Variants in SYNPO2 observed in about 807,000 individuals in gnomAD.
The protein encoded by SYNPO2 is synaptopodin 2.
SYNPO2 carries 56 observed loss-of-function variants against 85.0 expected under a neutral mutation model. The ratio of observed to expected loss-of-function variants is 0.66; its 90% CI spans 0.53 to 0.82. The LOEUF (loss-of-function observed/expected upper bound fraction) is 0.82, where lower values mean the gene tolerates loss of function less well. Ranked by LOEUF, SYNPO2 falls within the 40% of genes least tolerant of loss-of-function variation. The pLI is 0.00. For synonymous variants in SYNPO2, 602 were observed against 591.1 expected (o/e 1.02, Z -0.27); for missense variants, 1,575 against 1,534.2 (o/e 1.03, Z -0.44).
In SYNPO2 at chr4:118,994,971, T is replaced by C. The variant is rs117075747; in HGVS notation, c.106-28459T>C. ...AGATCCTTGTCTAATGAATATTTTT[T>C]ATTTACTATTTTTCAAATCACAAAC... On this transcript the variant is annotated intron_variant, in intron 1 of 4. Transcript: ENST00000307142. Among the ~76,000 whole-genome samples, 39 of 152,348 alleles carry C rather than the reference T, an allele frequency of 2.6e-4. No individual in the cohort carries two copies. In the East Asian group the frequency reaches 6.9e-3, roughly 27 times the overall value.
intron 4 of SYNPO2, chr4:119,032,461 T>A (rs972246033): frequency 3.7e-5 from 39 of 1,044,532 alleles, no homozygotes; most frequent in Admixed American, 3.0e-4. Context: ...CTATATTGAC[T>A]GAGATTTCCC....
rs1553938536 is a variant in SYNPO2, at chr4:118,927,776, T to TGATAGATGATAGATAGATAGATA, written c.105+38642_105+38643insGATAGATAGATAGATAGATAGAT. Among the ~76,000 whole-genome samples the TGATAGATGATAGATAGATAGATA allele has an allele frequency of 4.9e-4, 50 of 102,654 alleles. No homozygotes were observed. In the East Asian group the frequency reaches 0.011, roughly 22 times the overall value. 67.3% of individuals were successfully genotyped at this position (102,654 alleles called of 152,430 possible). ...ATAGATAGATATATAGATAGATAGA[T>TGATAGATGATAGATAGATAGATA]GATAGATAGATAGATAGATAGATAG... On this transcript the variant is annotated intron_variant, in intron 1 of 4. Coordinates refer to ENST00000307142, the MANE Select transcript of SYNPO2 (RefSeq NM_133477.3).
intron 1 of SYNPO2, among the ~76,000 whole-genome samples, chr4:118,954,127 G>A (rs571976751): frequency 1.3e-5 from 2 of 152,188 alleles, no homozygotes; most frequent in African/African-American, 4.8e-5. Flanking sequence ...TCATGATACA[G>A]TACAGTTATT....
At position 119,029,839 on chromosome 4, in the gene SYNPO2, C is replaced by G. The variant is rs1210735319; in HGVS notation, c.1070-6C>G. 6.7e-7 allele frequency: 1 copy of G among 1,498,134 alleles called. No individual in the cohort carries two copies. The highest frequency in any genetic ancestry group is 8.9e-7 in the Non-Finnish European group (1 of 1,127,076). 92.8% of individuals were successfully genotyped at this position (1,498,134 alleles called of 1,614,324 possible). A position where few individuals can be genotyped will look rare whatever the true frequency, so the allele number is the denominator to read the frequency against. Reference sequence around the variant, plus strand: ...AATATAATTTTTTTTTTTTTGCTTTCCCTAGGGCTCAGGAGGAGTGAAAGC... The same window carrying G: ...AATATAATTTTTTTTTTTTTGCTTTGCCTAGGGCTCAGGAGGAGTGAAAGC... On this transcript the variant is annotated splice_polypyrimidine_tract_variant and splice_region_variant and intron_variant, in intron 3 of 4. Coordinates refer to ENST00000307142, the MANE Select transcript of SYNPO2 (RefSeq NM_133477.3).
intron 4 of SYNPO2, chr4:119,036,260 C>T: frequency 3.0e-6 from 3 of 985,400 alleles, no homozygotes; most frequent in Non-Finnish European, 3.6e-6. Context: ...GGCGTGTGCT[C>T]ATTCTCTTTA....
At chr4:118,936,682 A>G (rs959702974) in intron 1 of SYNPO2, among the ~76,000 whole-genome samples, 3 of 152,080 alleles carry the variant, frequency 2.0e-5, no homozygotes. Context: ...TCTTCCATCT[A>G]TTTCTCCATT....
At chr4:119,007,263 T>TGTATATACATATATATATGTATATAC (rs1553945967) in intron 1 of SYNPO2, among the ~76,000 whole-genome samples, 14 of 77,782 alleles carry the variant, frequency 1.8e-4, no homozygotes, top group African/African-American at 7.3e-4. Flanking sequence ...CATATATATA[T>TGTATATACATATATATATGTATATAC]ATATATATAT....
At chr4:118,908,166 T>C (rs1443765515) in intron 1 of SYNPO2, among the ~76,000 whole-genome samples, 3 of 152,198 alleles carry the variant, frequency 2.0e-5, no homozygotes, top group Non-Finnish European at 4.4e-5. Context: ...GTGGAGTTGC[T>C]TAGTATGAGA....
intron 1 of SYNPO2, among the ~76,000 whole-genome samples, chr4:118,950,317 A>T (rs570720638): frequency 8.7e-4 from 133 of 152,288 alleles, no homozygotes; most frequent in African/African-American, 3.1e-3. Context: ...AGATCAGGAG[A>T]TAATTACCAT....
At chr4:118,890,735 G>A (rs200407147) in intron 1 of SYNPO2, among the ~76,000 whole-genome samples, 1 of 57,984 alleles carries the variant, frequency 1.7e-5, no homozygotes, top group Non-Finnish European at 3.8e-5. Context: ...CTCTCTCTCT[G>A]TGTGTGTGTG....
chr4:118,883,478 C>T (rs1732146943), intron 1 of SYNPO2, among the ~76,000 whole-genome samples: 1 of 152,130 alleles, frequency 6.6e-6, no homozygotes, highest in Non-Finnish European at 1.5e-5. Flanking sequence ...TCTCTCAGTT[C>T]ATGTTAGGCC....
chr4:119,006,161 A>G (rs1001568783), intron 1 of SYNPO2: 27 of 153,132 alleles, frequency 1.8e-4, no homozygotes, highest in African/African-American at 6.5e-4. Context: ...AAGGTGTGAA[A>G]GTTGGTGTCC....
intron 1 of SYNPO2, among the ~76,000 whole-genome samples, chr4:119,020,241 A>G (rs1322223126): frequency 2.0e-5 from 3 of 152,158 alleles, no homozygotes; most frequent in Admixed American, 2.0e-4. Flanking sequence ...CTTGAGGGAA[A>G]AATATTTCTT....
intron 4 of SYNPO2, among the ~76,000 whole-genome samples, chr4:119,055,303 C>T (rs1409204353): frequency 6.6e-6 from 1 of 152,114 alleles, no homozygotes. Context: ...AGGCCTATGC[C>T]ATCACACCTT....
intron 1 of SYNPO2, among the ~76,000 whole-genome samples, chr4:118,875,263 G>A (rs1731882976): frequency 6.6e-6 from 1 of 152,064 alleles, no homozygotes; most frequent in Non-Finnish European, 1.5e-5. Context: ...TATCATTGAT[G>A]GGCATTTAGA....
intron 1 of SYNPO2, among the ~76,000 whole-genome samples, chr4:118,915,971 T>C (rs1733303902): frequency 6.6e-6 from 1 of 152,216 alleles, no homozygotes; most frequent in Non-Finnish European, 1.5e-5. Context: ...ATACATTTAT[T>C]GGCTGTGTGT....
chr4:119,041,079 A>G (rs1738697064), intron 4 of SYNPO2, among the ~76,000 whole-genome samples: 1 of 152,200 alleles, frequency 6.6e-6, no homozygotes, highest in Non-Finnish European at 1.5e-5. Flanking sequence ...TTTCAAACCC[A>G]GGGAATTTTT....
intron 1 of SYNPO2, among the ~76,000 whole-genome samples, chr4:118,909,074 G>C (rs1267407746): frequency 1.3e-5 from 2 of 152,046 alleles, no homozygotes; most frequent in African/African-American, 2.4e-5. Context: ...GCCTGACCTG[G>C]AGTCCAGATT....
intron 4 of SYNPO2, chr4:119,043,169 T>TTTTTTGTTTTGTTTTTTG (rs1183451821): frequency 1.3e-5 from 2 of 152,214 alleles, no homozygotes; most frequent in Non-Finnish European, 2.9e-5. Flanking sequence ...TGCCATGTTT[T>TTTTTTGTTTTGTTTTTTG]TTTTTGTTTT....
Sources: gnomAD v4.1 joint callset for allele counts (sites outside exome capture counted in the v4.1 genomes callset) on GRCh38, gnomAD v4.1.1 for gene constraint, MANE v1.5 for transcripts, NCBI Gene and HGNC (gene_info 2026-07-23, HGNC 2026-07-21) for gene names.